Variants in CRBN observed in about 807,000 individuals in gnomAD.
CRBN encodes the protein cereblon.
Under a neutral mutation model 62.2 loss-of-function variants are expected in CRBN, and 53 were observed. The ratio of observed to expected loss-of-function variants is 0.85; its 90% CI spans 0.68 to 1.07. CRBN has a LOEUF of 1.07. Among genes scored for constraint, CRBN ranks in the 50% least tolerant of loss-of-function variants. CRBN has a pLI of 0.00. For synonymous variants in CRBN, 208 were observed against 176.1 expected, an observed-to-expected ratio of 1.18 and a Z score of -1.43; for missense variants, 616 against 531.1, an observed-to-expected ratio of 1.16 and a Z score of -1.57.
intron 5 of CRBN, among the ~76,000 whole-genome samples, chr3:3,164,768 C>A (rs1438950281): frequency 3.3e-5 from 5 of 152,318 alleles, no homozygotes; most frequent in African/African-American, 1.2e-4. Flanking sequence ...TGTTTTCATG[C>A]TTGGTAACAA....
chr3:3,166,515 A>AC, intron 5 of CRBN, among the ~76,000 whole-genome samples: 1 of 152,308 alleles, frequency 6.6e-6, no homozygotes, highest in South Asian at 2.1e-4. Flanking sequence ...CAGTATCAAT[A>AC]TTACTAAACG....
At position 3,174,135 on chromosome 3, in the gene CRBN, G is replaced by C. The variant is rs1285884277; in HGVS notation, c.301C>G (p.Leu101Val). 1 of 1,614,146 alleles carries C rather than the reference G, an allele frequency of 6.2e-7. No individual in the cohort carries two copies. Among genetic ancestry groups the C allele is most frequent in the Non-Finnish European group, 8.5e-7 (1 of 1,180,002 alleles). Residue 101 changes from leucine (L) to valine (V), a missense_variant, in exon 3 of 11, where the codon CTT (leucine) becomes GTT (valine). Physicochemically the swap from Leu to Val is conservative, Grantham distance 32. Coordinates refer to ENST00000231948, the MANE Select transcript of CRBN (RefSeq NM_016302.4). Reference protein sequence around the residue: ...LIPGQTLPLQLFHPQEVSMVR... With the variant: ...LIPGQTLPLQVFHPQEVSMVR... The stretch of plus-strand genomic sequence containing the variant: ...ATACTGACTTCTTGAGGGTGAAAAA[G>C]CTGAAGAGGTAATGTCTGTCCGGGA...
rs146488387 is a variant in CRBN at position 3,164,065 on chromosome 3, A to G, written c.687+3569T>C. 3.1e-4 allele frequency among the ~76,000 whole-genome samples: 47 copies of G among 152,308 alleles called. No homozygotes were observed. The East Asian group carries it at 6.4e-3, about 21-fold the overall frequency. ...CCATTTAAGACAGTAAACTTAACAA[A>G]TGTGTTTTGATTGCTCCACTGACGA... On this transcript the variant is annotated intron_variant, in intron 5 of 10. Transcript: ENST00000231948.
At chr3:3,153,633 T>C in intron 8 of CRBN, 145 bp from the exon 9 acceptor site, 1 of 672,922 alleles carries the variant, frequency 1.5e-6, no homozygotes, top group South Asian at 1.7e-5. Flanking sequence ...CAAAAACACT[T>C]TTAAAGATGG....
chr3:3,152,424 A>AAAAAAG, intron 10 of CRBN, 32 bp downstream of exon 10: 1 of 1,419,804 alleles, frequency 7.0e-7, no homozygotes, highest in Non-Finnish European at 9.5e-7. Flanking sequence ...GTAAAAAAAG[A>AAAAAAG]AAAAAAAAAG....
chr3:3,162,645 C>T lies in CRBN; in HGVS notation c.687+4989G>A, dbSNP rs77136870. 6.0e-3 allele frequency among the ~76,000 whole-genome samples: 907 copies of T among 152,232 alleles called. 5 individuals carry two copies. The highest frequency in any genetic ancestry group is 0.011 in the Non-Finnish European group (727 of 68,018). ...AGGTTTCCACGGCAAATGCTGTGTG[C>T]AGTTTCAAAGTTAATTGAATATATC... is the stretch of plus-strand genomic sequence containing the variant. On this transcript the variant is annotated intron_variant, in intron 5 of 10. Coordinates refer to ENST00000231948, the MANE Select transcript of CRBN (RefSeq NM_016302.4).
chr3:3,171,602 C>A (rs1707617680), intron 4 of CRBN, among the ~76,000 whole-genome samples: 1 of 152,160 alleles, frequency 6.6e-6, no homozygotes, highest in Non-Finnish European at 1.5e-5. Flanking sequence ...GAACTAAACA[C>A]CCTAAGAGCT....
chr3:3,173,132 G>A (rs1707692472), intron 3 of CRBN, among the ~76,000 whole-genome samples: 1 of 152,102 alleles, frequency 6.6e-6, no homozygotes, highest in Non-Finnish European at 1.5e-5. Flanking sequence ...AGCTCGGCTT[G>A]CTGCAGCCTC....
Position 3,152,589 on chromosome 3 carries a change from T to G in CRBN, c.1017-2A>C. 6.2e-7 allele frequency: 1 copy of G among 1,614,010 alleles called. No individual in the cohort carries two copies. On this transcript the variant is annotated splice_acceptor_variant, in intron 9 of 10. Transcript: ENST00000231948. LOFTEE classifies it high-confidence loss of function. ...GCCATCGGCCCACATAAGGATAAAC[T>G]AAAACAAAGAATCAACATGGAGAAC...
rs564423837 is a variant in CRBN, at chr3:3,171,389, C to T, written c.527+1387G>A. 3.3e-5 allele frequency among the ~76,000 whole-genome samples: 5 copies of T among 151,908 alleles called. No individual in the cohort carries two copies. In the East Asian group the frequency reaches 7.8e-4, roughly 24 times the overall value. On this transcript the variant is annotated intron_variant, in intron 4 of 10. Transcript: ENST00000231948. Reference sequence around the variant, plus strand: ...TTGCTAATTATCATAATGCAGACCACCCCCACCCGCCCCAGGAGATCATTC... The same window carrying T: ...TTGCTAATTATCATAATGCAGACCATCCCCACCCGCCCCAGGAGATCATTC...
chr3:3,159,909 A>G (rs1707066551), intron 5 of CRBN, among the ~76,000 whole-genome samples: 1 of 152,232 alleles, frequency 6.6e-6, no homozygotes, highest in Admixed American at 6.5e-5. Context: ...CTAGCAATTT[A>G]TAGGCATTCT....
chr3:3,168,201 T>C (rs1033656321), intron 4 of CRBN, among the ~76,000 whole-genome samples: 10 of 152,116 alleles, frequency 6.6e-5, no homozygotes, highest in African/African-American at 2.4e-4. Context: ...GCTTAACTCT[T>C]ACATCTATCC....
intron 1 of CRBN, among the ~76,000 whole-genome samples, chr3:3,176,529 A>G (rs1290904128): frequency 6.6e-6 from 1 of 152,222 alleles, no homozygotes; most frequent in Non-Finnish European, 1.5e-5. Context: ...TGAGGTCAGG[A>G]GTTCAAGACC....
chr3:3,179,292 GA>G (rs1166875356), intron 1 of CRBN, among the ~76,000 whole-genome samples: 1 of 152,240 alleles, frequency 6.6e-6, no homozygotes, highest in Admixed American at 6.5e-5. Context: ...TAACCGCTGT[GA>G]ATCTGACCCG....
Position 3,163,427 on chromosome 3 carries a change from TTCTTG to T in CRBN, c.687+4202_687+4206del, listed in dbSNP as rs373766206. Among the ~76,000 whole-genome samples, 326 of 151,290 alleles carry T rather than the reference TTCTTG, an allele frequency of 2.2e-3. 1 individual carries two copies. Among genetic ancestry groups the T allele is most frequent in the African/African-American group, 7.3e-3 (302 of 41,506 alleles). ...TCTTTGGTCTTCCCAGCTCTATCTT[TTCTTG>T]TCTTATTAAGCCAGTGGCAACCCAG... On this transcript the variant is annotated intron_variant, in intron 5 of 10. Coordinates refer to ENST00000231948, the MANE Select transcript of CRBN (RefSeq NM_016302.4).
Position 3,161,721 on chromosome 3 carries a change from T to C in CRBN, c.688-5440A>G, listed in dbSNP as rs183737127. On this transcript the variant is annotated intron_variant, in intron 5 of 10. Transcript: ENST00000231948. ...TTTTTAAAACTGACAGAATTATAAA[T>C]GCATTTACCCTGTGAGCCAATAACC... Among the ~76,000 whole-genome samples, 18 of 152,334 alleles carry C rather than the reference T, an allele frequency of 1.2e-4. No homozygotes were observed. In the East Asian group the frequency reaches 2.9e-3, roughly 24 times the overall value.
chr3:3,152,907 G>C, intron 9 of CRBN: 1 of 373,984 alleles, frequency 2.7e-6, no homozygotes, highest in East Asian at 5.9e-5. Context: ...GAGAGTGTAA[G>C]TGCAATGACA....
intron 3 of CRBN, chr3:3,173,754 G>C: frequency 2.5e-6 from 1 of 392,466 alleles, no homozygotes; most frequent in South Asian, 2.8e-5. Flanking sequence ...TCTCTATAAT[G>C]AAGACAGTTA....
rs1575106050 is a variant in CRBN, at chr3:3,179,606, A to C, written c.67+15T>G. ...GCCCCACTCCCGACTACAGGGAACT[A>C]CTCCGGGCGGTTACCAGGCAGGAGC... On this transcript the variant is annotated intron_variant, in intron 1 of 10. Transcript: ENST00000231948. 1.2e-6 allele frequency: 2 copies of C among 1,612,712 alleles called. No individual in the cohort carries two copies. The highest frequency in any genetic ancestry group is 1.7e-6 in the Non-Finnish European group (2 of 1,179,080).
Sources: allele counts gnomAD v4.1 joint callset (sites outside exome capture counted in the v4.1 genomes callset), GRCh38; gene constraint gnomAD v4.1.1; transcripts MANE v1.5; gene names NCBI Gene and HGNC (gene_info 2026-07-23, HGNC 2026-07-21).